Variants in ADIPOR2 observed in about 807,000 individuals in gnomAD.
The protein encoded by ADIPOR2 is adiponectin receptor 2, also known as adiponectin receptor protein 2.
In ADIPOR2, 18 loss-of-function variants were observed where a neutral mutation model predicts 40.9. The ratio of observed to expected loss-of-function variants is 0.44; its 90% CI spans 0.30 to 0.65. The LOEUF (loss-of-function observed/expected upper bound fraction) is 0.65, where lower values mean the gene tolerates loss of function less well. Among genes scored for constraint, ADIPOR2 ranks in the 30% least tolerant of loss-of-function variants. The probability of loss-of-function intolerance (pLI) is 0.09; values close to 1 mark genes in which losing one functional copy is unlikely to be tolerated. For missense variants in ADIPOR2, 283 were observed against 479.2 expected (o/e 0.59, Z 3.82); for synonymous variants, 165 against 166.4 (o/e 0.99, Z 0.06).
intron 1 of ADIPOR2, among the ~76,000 whole-genome samples, chr12:1,731,807 A>G (rs545595021): frequency 6.6e-6 from 1 of 152,306 alleles, no homozygotes; most frequent in African/African-American, 2.4e-5. Flanking sequence ...TAAAAATACA[A>G]AAATTAGCCG....
Position 1,781,087 on chromosome 12 carries a change from G to C in ADIPOR2, c.838+11G>C. 2 of 1,563,506 alleles carry C rather than the reference G, an allele frequency of 1.3e-6. No homozygotes were observed. The highest frequency in any genetic ancestry group is 1.7e-6 in the Non-Finnish European group (2 of 1,158,218). ...GGGGAGTAAGAGCAGGTAAGAGCAC[G>C]GGGAGGTTCTACATTCGACATTCAT... On this transcript the variant is annotated intron_variant, in intron 6 of 7. Transcript: ENST00000357103.
intron 1 of ADIPOR2, among the ~76,000 whole-genome samples, chr12:1,744,487 C>T (rs773667511): frequency 3.3e-4 from 50 of 152,006 alleles, no homozygotes; most frequent in Non-Finnish European, 2.4e-4. Flanking sequence ...AGGCGCGTAC[C>T]GCCATGACCG....
chr12:1,713,283 A>C (rs996550917), intron 1 of ADIPOR2, among the ~76,000 whole-genome samples: 1 of 152,138 alleles, frequency 6.6e-6, no homozygotes, highest in Non-Finnish European at 1.5e-5. Context: ...GCTTGGGTAC[A>C]ACTGGATATA....
intron 3 of ADIPOR2, 46 bp from the exon 4 acceptor site, chr12:1,777,808 T>C (rs761821864): frequency 3.2e-6 from 5 of 1,571,496 alleles, no homozygotes; most frequent in South Asian, 2.3e-5. Context: ...TGTTGGTAAA[T>C]TGACAACTAA....
chr12:1,773,915 C>T (rs568640320), intron 3 of ADIPOR2, among the ~76,000 whole-genome samples: 6 of 152,146 alleles, frequency 3.9e-5, no homozygotes, highest in Non-Finnish European at 7.3e-5. Context: ...GAAAAGAGAA[C>T]ATTGTGATCT....
chr12:1,735,944 C>A (rs956133715), intron 1 of ADIPOR2, among the ~76,000 whole-genome samples: 2 of 152,160 alleles, frequency 1.3e-5, no homozygotes, highest in African/African-American at 4.8e-5. Context: ...AGGGATGAAG[C>A]CCACTTGATC....
rs574952963 is a variant in ADIPOR2, at chr12:1,744,169, C to T, written c.-86-10089C>T. Among the ~76,000 whole-genome samples, 290 of 150,872 alleles carry T rather than the reference C, an allele frequency of 1.9e-3. 4 individuals are homozygous for T. The highest frequency in any genetic ancestry group is 3.4e-3 in the Middle Eastern group (1 of 294). On this transcript the variant is annotated intron_variant, in intron 1 of 7. Transcript: ENST00000357103. ...TCGCCCAGGCTGGAGTGCAGTGGTACGATCTTAGCTCACTGCAAGCTCTGC... is the reference window on the plus strand; with the variant it reads ...TCGCCCAGGCTGGAGTGCAGTGGTATGATCTTAGCTCACTGCAAGCTCTGC...
intron 1 of ADIPOR2, among the ~76,000 whole-genome samples, chr12:1,716,712 G>A (rs1033300921): frequency 1.3e-5 from 2 of 152,024 alleles, no homozygotes; most frequent in Admixed American, 6.6e-5. Flanking sequence ...TTACATTTTC[G>A]GTATTTATTC....
intron 3 of ADIPOR2, among the ~76,000 whole-genome samples, chr12:1,774,848 G>T (rs1592629118): frequency 6.6e-6 from 1 of 152,228 alleles, no homozygotes; most frequent in South Asian, 2.1e-4. Flanking sequence ...GGGATTACAG[G>T]CATGTGCCAC....
chr12:1,691,395 G>C (rs2094626560), intron 1 of ADIPOR2, among the ~76,000 whole-genome samples: 1 of 152,134 alleles, frequency 6.6e-6, no homozygotes, highest in Admixed American at 6.5e-5. Flanking sequence ...CCTGAGGGTC[G>C]GCCGTGTGGG....
At chr12:1,699,591 C>T (rs1008929301) in intron 1 of ADIPOR2, among the ~76,000 whole-genome samples, 7 of 152,152 alleles carry the variant, frequency 4.6e-5, no homozygotes, top group Admixed American at 1.3e-4. Flanking sequence ...GCAGAGGTTG[C>T]GGTGAGCCGA....
chr12:1,732,666 G>A (rs2094722817), intron 1 of ADIPOR2, among the ~76,000 whole-genome samples: 1 of 152,052 alleles, frequency 6.6e-6, no homozygotes, highest in South Asian at 2.1e-4. Context: ...ACTCATTTGG[G>A]TAAATTGTAT....
At chr12:1,759,172 G>A (rs1488916265) in intron 2 of ADIPOR2, among the ~76,000 whole-genome samples, 1 of 152,182 alleles carries the variant, frequency 6.6e-6, no homozygotes, top group Non-Finnish European at 1.5e-5. Flanking sequence ...TTAGGCCAGG[G>A]TAATTTTGCT....
chr12:1,720,712 G>C (rs2094696233), intron 1 of ADIPOR2, among the ~76,000 whole-genome samples: 1 of 152,202 alleles, frequency 6.6e-6, no homozygotes. Flanking sequence ...CCCTCCTGCT[G>C]TGAGGCCAGG....
intron 4 of ADIPOR2, among the ~76,000 whole-genome samples, chr12:1,779,457 T>A (rs1290906235): frequency 6.6e-6 from 1 of 152,182 alleles, no homozygotes; most frequent in African/African-American, 2.4e-5. Context: ...GCATGAAATG[T>A]CCAGAACAGG....
At chr12:1,712,771 A>G (rs190912938) in intron 1 of ADIPOR2, among the ~76,000 whole-genome samples, 2 of 152,208 alleles carry the variant, frequency 1.3e-5, no homozygotes, top group East Asian at 3.9e-4. Context: ...GGTGATTCCA[A>G]GGAACCCCCG....
Position 1,723,434 on chromosome 12 carries a change from G to A in ADIPOR2, c.-86-30824G>A, listed in dbSNP as rs886182986. On this transcript the variant is annotated intron_variant, in intron 1 of 7. Transcript: ENST00000357103. ...CACCTGAGGTCAGGAATTGGAGCCT[G>A]GCCAACATAGTGAAACCCCGTCTCT... Among the ~76,000 whole-genome samples, 60 of 145,952 alleles carry A rather than the reference G, an allele frequency of 4.1e-4. 2 individuals are homozygous for A. Among genetic ancestry groups the A allele is most frequent in the Admixed American group, 7.0e-5 (1 of 14,222 alleles).
intron 1 of ADIPOR2, among the ~76,000 whole-genome samples, chr12:1,701,588 G>A (rs903189067): frequency 7.9e-5 from 12 of 152,002 alleles, no homozygotes; most frequent in South Asian, 4.1e-4. Context: ...CTGCTGATAC[G>A]TTACCATTTT....
chr12:1,728,958 GTTTTTTTTT>G (rs66842156), intron 1 of ADIPOR2, among the ~76,000 whole-genome samples: 2 of 110,054 alleles, frequency 1.8e-5, no homozygotes, highest in Non-Finnish European at 3.6e-5. Flanking sequence ...GTTCTGGACT[GTTTTTTTTT>G]TTTTTTTTTT....
Sources: gnomAD v4.1 joint callset for allele counts (sites outside exome capture counted in the v4.1 genomes callset) on GRCh38, gnomAD v4.1.1 for gene constraint, MANE v1.5 for transcripts, NCBI Gene and HGNC (gene_info 2026-07-23, HGNC 2026-07-21) for gene names.